The following NUBPL variants were observed in gnomAD, a reference collection of about 807,000 sequenced individuals.
NUBPL encodes iron-sulfur cluster transfer protein NUBPL.
In NUBPL, 31 loss-of-function variants were observed where a neutral mutation model predicts 45.7. That is an observed-to-expected ratio of 0.68 (90% CI 0.51 to 0.92). The LOEUF is 0.92. Among genes scored for constraint, NUBPL ranks in the 40% least tolerant of loss-of-function variants. NUBPL has a pLI of 0.00. For missense variants in NUBPL, 401 were observed against 398.7 expected (o/e 1.01, Z -0.05); for synonymous variants, 144 against 140.9 (o/e 1.02, Z -0.15).
At chr14:31,770,533 A>G (rs2138760918) in intron 6 of NUBPL, among the ~76,000 whole-genome samples, 1 of 152,342 alleles carries the variant, frequency 6.6e-6, no homozygotes, top group East Asian at 1.9e-4. Context: ...GATGTTATTT[A>G]CAGGAGTAAT....
chr14:31,669,603 C>G (rs2036521292), intron 4 of NUBPL, among the ~76,000 whole-genome samples: 1 of 152,010 alleles, frequency 6.6e-6, no homozygotes, highest in Non-Finnish European at 1.5e-5. Context: ...ATTTTTTCCT[C>G]TCTTCCTCCT....
intron 6 of NUBPL, among the ~76,000 whole-genome samples, chr14:31,753,834 A>G (rs8022541): frequency 3.3e-5 from 5 of 152,008 alleles, no homozygotes; most frequent in Middle Eastern, 6.8e-3. Flanking sequence ...TCTTTAGACT[A>G]TCTACTTGAA....
chr14:31,728,157 T>TA (rs1178410757), intron 6 of NUBPL, among the ~76,000 whole-genome samples: 8 of 152,126 alleles, frequency 5.3e-5, no homozygotes, highest in African/African-American at 1.7e-4. Context: ...TACTACTTTT[T>TA]ATCACTACAT....
intron 6 of NUBPL, among the ~76,000 whole-genome samples, chr14:31,704,383 G>T (rs753834456): frequency 4.6e-5 from 7 of 152,180 alleles, no homozygotes; most frequent in Middle Eastern, 3.4e-3. Context: ...AGTATAATTG[G>T]CCAGGCATGG....
chr14:31,818,223 C>T (rs1438817183), intron 7 of NUBPL, among the ~76,000 whole-genome samples: 1 of 152,154 alleles, frequency 6.6e-6, no homozygotes, highest in East Asian at 1.9e-4. Context: ...ACTTTAGCAC[C>T]CCACTGTCAA....
At chr14:31,689,505 A>G (rs1472729367) in intron 6 of NUBPL, among the ~76,000 whole-genome samples, 1 of 151,904 alleles carries the variant, frequency 6.6e-6, no homozygotes, top group East Asian at 1.9e-4. Context: ...CCCACTTTTT[A>G]ATGGAGTTTT....
intron 6 of NUBPL, among the ~76,000 whole-genome samples, chr14:31,700,432 C>T (rs997827388): frequency 6.6e-6 from 1 of 152,140 alleles, no homozygotes; most frequent in African/African-American, 2.4e-5. Context: ...GGCCTCAGCG[C>T]CTACTCTGGC....
intron 8 of NUBPL, among the ~76,000 whole-genome samples, chr14:31,840,601 G>T (rs902724671): frequency 6.7e-6 from 1 of 148,502 alleles, no homozygotes; most frequent in African/African-American, 2.5e-5. Flanking sequence ...GAAAAAGAAA[G>T]AAATCCTGTA....
chr14:31,719,715 GA>G (rs150055693), intron 6 of NUBPL, among the ~76,000 whole-genome samples: 12,640 of 151,960 alleles, frequency 0.083, 617 homozygotes, highest in African/African-American at 0.14. Flanking sequence ...TAGACAATAA[GA>G]AAAAAATATT....
chr14:31,657,050 CGG>C (rs1256982496), intron 4 of NUBPL, among the ~76,000 whole-genome samples: 3 of 152,182 alleles, frequency 2.0e-5, no homozygotes, highest in African/African-American at 7.2e-5. Flanking sequence ...TCTTTTTTAG[CGG>C]TACAGCTATT....
intron 6 of NUBPL, among the ~76,000 whole-genome samples, chr14:31,710,677 A>G (rs940637442): frequency 5.9e-5 from 9 of 152,302 alleles, no homozygotes; most frequent in Non-Finnish European, 8.8e-5. Flanking sequence ...CCCAGAATGA[A>G]GTGGAGGGCC....
intron 4 of NUBPL, among the ~76,000 whole-genome samples, chr14:31,660,169 T>C (rs2036234554): frequency 6.6e-6 from 1 of 152,188 alleles, no homozygotes; most frequent in Non-Finnish European, 1.5e-5. Context: ...CTTTTGGTTG[T>C]CCAGGTTGAT....
intron 8 of NUBPL, chr14:31,844,457 G>A (rs963325537): frequency 2.0e-5 from 3 of 152,170 alleles, no homozygotes; most frequent in Non-Finnish European, 4.4e-5. Flanking sequence ...TAGCTTTCTG[G>A]AGATAGTACT....
chr14:31,714,742 C>T (rs1022701627), intron 6 of NUBPL: 1 of 152,124 alleles, frequency 6.6e-6, no homozygotes, highest in Non-Finnish European at 1.5e-5. Flanking sequence ...AGGGGAGAAA[C>T]ATCCACACCA....
chr14:31,622,409 G>A (rs185044070), intron 4 of NUBPL, among the ~76,000 whole-genome samples: 47 of 152,150 alleles, frequency 3.1e-4, no homozygotes, highest in African/African-American at 1.1e-3. Context: ...AGAAATTTGC[G>A]CAAGTAATGA....
At chr14:31,820,760 G>A (rs1355721140) in intron 7 of NUBPL, among the ~76,000 whole-genome samples, 1 of 148,348 alleles carries the variant, frequency 6.7e-6, no homozygotes, top group Admixed American at 6.7e-5. Flanking sequence ...GGAGGTGGAG[G>A]TTGCAGTGAG....
intron 7 of NUBPL, among the ~76,000 whole-genome samples, chr14:31,791,206 A>G (rs2039376019): frequency 6.6e-6 from 1 of 152,192 alleles, no homozygotes; most frequent in African/African-American, 2.4e-5. Flanking sequence ...TGAGCCCTGG[A>G]GGTCGAGGAT....
intron 4 of NUBPL, among the ~76,000 whole-genome samples, chr14:31,662,981 T>C (rs1379339642): frequency 6.6e-6 from 1 of 152,238 alleles, no homozygotes; most frequent in Non-Finnish European, 1.5e-5. Context: ...TTTGCATTTC[T>C]TTAATGACCA....
At chr14:31,788,319 C>T (rs1175109223) in intron 7 of NUBPL, among the ~76,000 whole-genome samples, 3 of 152,066 alleles carry the variant, frequency 2.0e-5, no homozygotes, top group Non-Finnish European at 4.4e-5. Flanking sequence ...AGCCAGCAGC[C>T]CTGAGAGTTC....
Sources: gnomAD v4.1 joint callset for allele counts (sites outside exome capture counted in the v4.1 genomes callset) on GRCh38, gnomAD v4.1.1 for gene constraint, MANE v1.5 for transcripts, NCBI Gene and HGNC (gene_info 2026-07-23, HGNC 2026-07-21) for gene names.